Variants in SOX6 observed in about 807,000 individuals in gnomAD.
The protein encoded by SOX6 is SRY-box transcription factor 6, also known as transcription factor SOX-6.
In SOX6, 11 loss-of-function variants were observed where a neutral mutation model predicts 97.8. The observed-to-expected ratio is 0.11, with a 90% CI of 0.07 to 0.19. The LOEUF is 0.19. SOX6 is among the 10% of genes least tolerant of loss of function. SOX6 has a pLI of 1.00. For synonymous variants in SOX6, 360 were observed against 371.4 expected, an observed-to-expected ratio of 0.97 and a Z score of 0.35; for missense variants, 810 against 1,039.5, an observed-to-expected ratio of 0.78 and a Z score of 3.04.
chr11:16,583,638 C>CATATATATATATATATATATATATAT (rs1329710047), intron 4 of SOX6, among the ~76,000 whole-genome samples: 1 of 104,600 alleles, frequency 9.6e-6, no homozygotes, highest in African/African-American at 3.1e-5. Context: ...TATATATATA[C>CATATATATATATATATATATATATAT]ACATACACAC....
At chr11:16,064,150 C>T (rs1275135846) in intron 9 of SOX6, among the ~76,000 whole-genome samples, 2 of 151,730 alleles carry the variant, frequency 1.3e-5, no homozygotes, top group African/African-American at 2.4e-5. Context: ...TTCTCCAAAT[C>T]TTCAAGCCAT....
intron 3 of SOX6, among the ~76,000 whole-genome samples, chr11:16,263,753 A>T (rs1486868520): frequency 4.6e-5 from 7 of 151,572 alleles, no homozygotes; most frequent in Admixed American, 4.6e-4. Flanking sequence ...GTCAAAATGT[A>T]TTTTTTTAAC....
chr11:16,528,287 A>C (rs1469088821), intron 4 of SOX6, among the ~76,000 whole-genome samples: 2 of 152,160 alleles, frequency 1.3e-5, no homozygotes, highest in Non-Finnish European at 2.9e-5. Context: ...CTATATTCCA[A>C]TCATTGTTGT....
At chr11:16,541,707 G>T (rs1177559765) in intron 4 of SOX6, among the ~76,000 whole-genome samples, 1 of 152,136 alleles carries the variant, frequency 6.6e-6, no homozygotes, top group Non-Finnish European at 1.5e-5. Flanking sequence ...GCAGACACAT[G>T]AAAAAATGCT....
At chr11:16,428,299 T>G (rs559495019) in intron 1 of SOX6, among the ~76,000 whole-genome samples, 2 of 152,328 alleles carry the variant, frequency 1.3e-5, no homozygotes, top group South Asian at 4.1e-4. Context: ...TGATGGTAGT[T>G]TCTTTTGCTG....
Position 16,226,794 on chromosome 11 carries a change from G to C in SOX6, c.535+7788C>G, listed in dbSNP as rs553428449. ...GATAAATACTACTACATGGAGAACT[G>C]TATTATCTATATCACTCCTGGTTTG... On this transcript the variant is annotated intron_variant, in intron 4 of 15. Transcript: ENST00000683767. 5.3e-5 allele frequency among the ~76,000 whole-genome samples: 8 copies of C among 152,150 alleles called. No individual in the cohort carries two copies. In the East Asian group the frequency reaches 1.5e-3, roughly 29 times the overall value.
chr11:16,665,780 AGTG>A lies in SOX6; in HGVS notation n.429+49047_429+49049del, dbSNP rs575995046. 7.0e-4 allele frequency among the ~76,000 whole-genome samples: 106 copies of A among 152,320 alleles called. 1 individual carries two copies. The highest frequency in any genetic ancestry group is 3.4e-3 in the Middle Eastern group (1 of 294). On this transcript the variant is annotated intron_variant and non_coding_transcript_variant, in intron 3 of 5. Coordinates refer to the SOX6 transcript ENST00000524520. ...TTTAGGTTTGACCCAGTGCAGTCGC[AGTG>A]GTGGTGGCCACAGGGGTGCTTGTGT...
In SOX6 at chr11:16,365,450, T is replaced by C. The variant is rs989937333; in HGVS notation, c.-4-24198A>G. 3.3e-5 allele frequency among the ~76,000 whole-genome samples: 5 copies of C among 152,168 alleles called. No individual in the cohort carries two copies. In the East Asian group the frequency reaches 9.7e-4, roughly 29 times the overall value. ...CATTGCACCATGTAAACAATTTTAA[T>C]ATCTATAATGTAAACCCCACCAACC... On this transcript the variant is annotated intron_variant, in intron 1 of 15. Coordinates refer to the SOX6 transcript ENST00000396356.
At chr11:16,359,092 T>C (rs1338426283), upstream of SOX6, among the ~76,000 whole-genome samples, 2 of 133,590 alleles carry the variant, frequency 1.5e-5, no homozygotes, top group African/African-American at 2.9e-5. Context: ...TAGAGAGATA[T>C]ATTGTAGGAG....
chr11:16,066,809 A>C (rs2133936769), intron 9 of SOX6, among the ~76,000 whole-genome samples: 1 of 152,324 alleles, frequency 6.6e-6, no homozygotes. Context: ...ATAAATAGAA[A>C]GAATGGATAA....
chr11:16,348,003 G>T (rs1395475178), intron 1 of SOX6, among the ~76,000 whole-genome samples: 1 of 151,690 alleles, frequency 6.6e-6, no homozygotes, highest in Non-Finnish European at 1.5e-5. Flanking sequence ...ACAAGAAGAA[G>T]AGAAAGAAGA....
intron 4 of SOX6, among the ~76,000 whole-genome samples, chr11:16,560,184 AG>A (rs1056758661): frequency 1.7e-4 from 26 of 152,298 alleles, no homozygotes; most frequent in Middle Eastern, 3.4e-3. Context: ...GATGCACACA[AG>A]GAACTGTTAA....
intron 4 of SOX6, among the ~76,000 whole-genome samples, chr11:16,596,140 A>T (rs1848210929): frequency 6.6e-6 from 1 of 152,244 alleles, no homozygotes; most frequent in Admixed American, 6.5e-5. Context: ...CTCTAAGATC[A>T]TGCTTGTCCA....
At chr11:16,417,823 T>C (rs1332449739) in intron 1 of SOX6, among the ~76,000 whole-genome samples, 1 of 152,210 alleles carries the variant, frequency 6.6e-6, no homozygotes, top group African/African-American at 2.4e-5. Context: ...TCATGCAAAG[T>C]GATGCCTAGT....
At chr11:16,591,395 T>C (rs1290137779) in intron 4 of SOX6, among the ~76,000 whole-genome samples, 1 of 145,316 alleles carries the variant, frequency 6.9e-6, no homozygotes, top group East Asian at 1.9e-4. Context: ...GATAATTAGG[T>C]ATATACATAC....
intron 7 of SOX6, among the ~76,000 whole-genome samples, chr11:16,107,240 A>G (rs577048299): frequency 1.3e-5 from 2 of 151,974 alleles, no homozygotes; most frequent in East Asian, 3.9e-4. Context: ...ACTCACAGGT[A>G]TATATCCAAA....
chr11:16,578,206 C>T (rs920633280), intron 4 of SOX6, among the ~76,000 whole-genome samples: 1 of 152,000 alleles, frequency 6.6e-6, no homozygotes, highest in Admixed American at 6.6e-5. Flanking sequence ...TGCTTGGCAC[C>T]CTTGTCGAAA....
intron 9 of SOX6, among the ~76,000 whole-genome samples, chr11:16,070,710 G>C (rs564031010): frequency 1.3e-5 from 2 of 152,052 alleles, no homozygotes; most frequent in South Asian, 4.2e-4. Context: ...CTGGGCACCA[G>C]TCTGTCTGGG....
chr11:16,202,121 A>G (rs1851958212), intron 4 of SOX6, among the ~76,000 whole-genome samples: 1 of 152,176 alleles, frequency 6.6e-6, no homozygotes, highest in African/African-American at 2.4e-5. Context: ...GTAAAAAATG[A>G]GAGTATTAAA....
Sources: allele counts gnomAD v4.1 joint callset (sites outside exome capture counted in the v4.1 genomes callset), GRCh38; gene constraint gnomAD v4.1.1; transcripts MANE v1.5; gene names NCBI Gene and HGNC (gene_info 2026-07-23, HGNC 2026-07-21).